The following EIF2AK4 variants were observed in gnomAD, a reference collection of about 807,000 sequenced individuals.
EIF2AK4 encodes the protein eukaryotic translation initiation factor 2 alpha kinase 4.
In EIF2AK4, 139 loss-of-function variants were observed where a neutral mutation model predicts 211.1. The observed-to-expected ratio is 0.66, with a 90% CI of 0.57 to 0.76. The LOEUF (loss-of-function observed/expected upper bound fraction) is 0.76, where lower values mean the gene tolerates loss of function less well. EIF2AK4 is among the 30% of genes least tolerant of loss of function. The pLI, the probability that EIF2AK4 is intolerant of heterozygous loss-of-function variation, is 0.00. For synonymous variants in EIF2AK4, 710 were observed against 751.3 expected (o/e 0.94, Z 0.90); for missense variants, 1,664 against 2,043.8 (o/e 0.81, Z 3.58).
At chr15:39,959,745 AT>A (rs2034440610) in intron 6 of EIF2AK4, among the ~76,000 whole-genome samples, 1 of 152,238 alleles carries the variant, frequency 6.6e-6, no homozygotes, top group South Asian at 2.1e-4. Context: ...CTAGCATGTA[AT>A]TTTAAATCTT....
At chr15:39,981,613 T>C (rs9888665) in intron 13 of EIF2AK4, among the ~76,000 whole-genome samples, 10,703 of 152,084 alleles carry the variant, frequency 0.07, 756 homozygotes, top group East Asian at 0.22. Context: ...CAGAGCTTTT[T>C]TTTTTTTCTT....
chr15:39,984,608 ACAG>A (rs1157899106), intron 13 of EIF2AK4, among the ~76,000 whole-genome samples: 2 of 152,056 alleles, frequency 1.3e-5, no homozygotes, highest in Non-Finnish European at 2.9e-5. Context: ...TATTCTCTTT[ACAG>A]CAATTGTGAA....
chr15:39,970,391 C>T (rs897307761), intron 9 of EIF2AK4, among the ~76,000 whole-genome samples: 3 of 152,016 alleles, frequency 2.0e-5, no homozygotes, highest in Non-Finnish European at 2.9e-5. Flanking sequence ...CAGTTGATAA[C>T]GCAATTCAGA....
intron 11 of EIF2AK4, chr15:39,973,989 C>T: frequency 2.7e-6 from 1 of 372,036 alleles, no homozygotes; most frequent in Non-Finnish European, 4.8e-6. Context: ...ATGAAACACA[C>T]ATGGTTATAA....
chr15:39,990,468 CA>C, intron 16 of EIF2AK4, 91 bp downstream of exon 16: 3 of 1,060,008 alleles, frequency 2.8e-6, no homozygotes, highest in Non-Finnish European at 4.3e-6. Flanking sequence ...AGTGCGTTCA[CA>C]GAACTATGCC....
intron 4 of EIF2AK4, among the ~76,000 whole-genome samples, chr15:39,951,043 CTT>C (rs776624172): frequency 2.0e-4 from 30 of 152,292 alleles, no homozygotes; most frequent in Non-Finnish European, 3.7e-4. Flanking sequence ...TCTGTCCCCT[CTT>C]TTTCCACTCA....
intron 37 of EIF2AK4, among the ~76,000 whole-genome samples, chr15:40,033,836 G>A (rs547591538): frequency 1.3e-5 from 2 of 152,198 alleles, no homozygotes; most frequent in East Asian, 3.9e-4. Context: ...AGACCAGCCT[G>A]GCCAACATGG....
At chr15:39,944,798 A>G (rs1035384137) in intron 3 of EIF2AK4, among the ~76,000 whole-genome samples, 1 of 152,206 alleles carries the variant, frequency 6.6e-6, no homozygotes, top group Non-Finnish European at 1.5e-5. Flanking sequence ...TCAGACTTTT[A>G]TTAGACATAA....
At chr15:39,995,206 T>C (rs894345790) in intron 18 of EIF2AK4, among the ~76,000 whole-genome samples, 1 of 152,126 alleles carries the variant, frequency 6.6e-6, no homozygotes, top group African/African-American at 2.4e-5. Flanking sequence ...TAAATATCCC[T>C]GAGTGGTGGG....
At chr15:40,007,701 G>A (rs2140937620) in intron 24 of EIF2AK4, among the ~76,000 whole-genome samples, 1 of 152,304 alleles carries the variant, frequency 6.6e-6, no homozygotes, top group African/African-American at 2.4e-5. Flanking sequence ...CTAGCTACAA[G>A]TGAATAATTA....
At chr15:40,017,037 A>G (rs1339969378) in intron 28 of EIF2AK4, 71 bp from the exon 29 acceptor site, 1 of 1,570,364 alleles carries the variant, frequency 6.4e-7, no homozygotes, top group African/African-American at 1.4e-5. Flanking sequence ...GGGAAACACC[A>G]TTTTCAGCAT....
chr15:39,935,588 C>T (rs1755684578), intron 1 of EIF2AK4, among the ~76,000 whole-genome samples: 2 of 152,154 alleles, frequency 1.3e-5, no homozygotes, highest in Admixed American at 1.3e-4. Flanking sequence ...ACCTTGGCCT[C>T]TGAAAGTGCT....
intron 33 of EIF2AK4, among the ~76,000 whole-genome samples, chr15:40,028,775 A>G (rs1467071780): frequency 6.6e-6 from 1 of 152,272 alleles, no homozygotes; most frequent in Non-Finnish European, 1.5e-5. Context: ...AGAGAAACCA[A>G]GAAATAGCCA....
intron 29 of EIF2AK4, among the ~76,000 whole-genome samples, chr15:40,017,994 T>C (rs1011505691): frequency 1.3e-5 from 2 of 152,206 alleles, no homozygotes; most frequent in South Asian, 2.1e-4. Flanking sequence ...CAGAGATTTA[T>C]GGGTATCAAC....
At chr15:39,976,962 C>CT (rs1421613733) in intron 12 of EIF2AK4, 118 bp downstream of exon 12, 23 of 1,277,372 alleles carry the variant, frequency 1.8e-5, no homozygotes, top group Non-Finnish European at 2.2e-5. Flanking sequence ...TCTTTCTTTC[C>CT]TTTTTTGAGA....
chr15:39,965,208 G>A (rs990484178), intron 7 of EIF2AK4, among the ~76,000 whole-genome samples: 11 of 152,064 alleles, frequency 7.2e-5, no homozygotes, highest in East Asian at 3.9e-4. Context: ...TGCAACCTCC[G>A]CCTCCCAGGT....
At chr15:40,034,509 T>G in intron 38 of EIF2AK4, 65 bp downstream of exon 38, 1 of 1,274,282 alleles carries the variant, frequency 7.8e-7, no homozygotes. Context: ...GGTTTCAGAG[T>G]GACATTATTT....
rs1485172622 is a variant in EIF2AK4 at position 39,934,153 on chromosome 15, C to T, written c.-43C>T. On this transcript the variant is annotated 5_prime_UTR_variant, in exon 1 of 39. Transcript: ENST00000263791. ...GCCCCGCAGGCTGCCGGGGGCCCAC[C>T]GCCGCCCAGGCAAGGCCGCCCTGCC... The T allele has an allele frequency of 1.6e-6, 2 of 1,278,988 alleles. No individual in the cohort carries two copies. The highest frequency in any genetic ancestry group is 6.6e-5 in the East Asian group (2 of 30,166). The allele number at this position is 1,278,988 out of a possible 1,614,324, so 79.2% of individuals were successfully genotyped here.
chr15:39,995,422 C>G (rs1193010082), intron 18 of EIF2AK4, among the ~76,000 whole-genome samples: 2 of 147,298 alleles, frequency 1.4e-5, no homozygotes, highest in African/African-American at 4.9e-5. Flanking sequence ...CGGCTCTACA[C>G]CCTGCACCTC....
Sources: gnomAD v4.1 joint callset for allele counts (sites outside exome capture counted in the v4.1 genomes callset) on GRCh38, gnomAD v4.1.1 for gene constraint, MANE v1.5 for transcripts, NCBI Gene and HGNC (gene_info 2026-07-23, HGNC 2026-07-21) for gene names.